Variants in C10orf67 observed in about 807,000 individuals in gnomAD.
C10orf67 encodes chromosome 10 open reading frame 67, also known as uncharacterized protein C10orf67, mitochondrial.
A neutral mutation model predicts 35.6 loss-of-function variants in C10orf67; 60 were observed. The ratio of observed to expected loss-of-function variants is 1.68; its 90% CI spans 1.37 to 2.09. C10orf67 has a LOEUF of 2.09. Among genes scored for constraint, C10orf67 ranks in the 30% most tolerant of loss-of-function variants. The pLI is 0.00. For synonymous variants in C10orf67, 167 were observed against 115.8 expected (o/e 1.44, Z -2.84); for missense variants, 474 against 330.2 (o/e 1.44, Z -3.38).
chr10:23,320,510 C>T (rs1844904027), intron 4 of C10orf67, among the ~76,000 whole-genome samples: 1 of 152,300 alleles, frequency 6.6e-6, no homozygotes, highest in Non-Finnish European at 1.5e-5. Flanking sequence ...TACTTTGGTA[C>T]ATGCCCAGGT....
At chr10:23,229,812 A>G (rs981782163) in intron 13 of C10orf67, among the ~76,000 whole-genome samples, 1 of 152,202 alleles carries the variant, frequency 6.6e-6, no homozygotes, top group Non-Finnish European at 1.5e-5. Flanking sequence ...CTATAGAGTT[A>G]TAAAACTCTA....
In C10orf67 at chr10:23,290,581, G is replaced by A. The variant is rs571650111; in HGVS notation, c.850+551C>T. Reference sequence around the variant, plus strand: ...CTTTTCCACATGTTCTAACAACTTCGGTGATTTAAACACAACTTTCACCAA... The same window carrying A: ...CTTTTCCACATGTTCTAACAACTTCAGTGATTTAAACACAACTTTCACCAA... On this transcript the variant is annotated intron_variant, in intron 6 of 15. Coordinates refer to ENST00000636213, the MANE Select transcript of C10orf67 (RefSeq NM_001371909.1). Among the ~76,000 whole-genome samples the A allele has an allele frequency of 3.9e-5, 6 of 152,106 alleles. No individual in the cohort carries two copies. In the South Asian group the frequency reaches 8.3e-4, roughly 21 times the overall value.
intron 4 of C10orf67, among the ~76,000 whole-genome samples, chr10:23,319,810 C>T (rs773383683): frequency 6.6e-6 from 1 of 152,174 alleles, no homozygotes; most frequent in Non-Finnish European, 1.5e-5. Flanking sequence ...TGGTTAGGGA[C>T]CTGACTTTGC....
chr10:23,329,217 T>C (rs1845331051), intron 2 of C10orf67, among the ~76,000 whole-genome samples: 1 of 151,636 alleles, frequency 6.6e-6, no homozygotes, highest in Non-Finnish European at 1.5e-5. Flanking sequence ...AGAGGAGATA[T>C]GCAGACAATA....
chr10:23,227,120 T>G (rs947910873), intron 13 of C10orf67, among the ~76,000 whole-genome samples: 1 of 152,140 alleles, frequency 6.6e-6, no homozygotes, highest in Non-Finnish European at 1.5e-5. Flanking sequence ...TACCAAAGCC[T>G]GGCAGACACA....
At chr10:23,306,206 A>G (rs1209184621) in intron 4 of C10orf67, among the ~76,000 whole-genome samples, 1 of 152,170 alleles carries the variant, frequency 6.6e-6, no homozygotes, top group Non-Finnish European at 1.5e-5. Flanking sequence ...AATCCAAAAA[A>G]GTTGAACTTG....
chr10:23,338,709 T>G (rs958057097), intron 1 of C10orf67, among the ~76,000 whole-genome samples: 3 of 152,094 alleles, frequency 2.0e-5, no homozygotes, highest in African/African-American at 7.2e-5. Flanking sequence ...TTAAATAGCT[T>G]ACTGAAGATT....
intron 15 of C10orf67, among the ~76,000 whole-genome samples, chr10:23,222,745 C>T (rs184337495): frequency 6.6e-6 from 1 of 152,246 alleles, no homozygotes; most frequent in African/African-American, 2.4e-5. Flanking sequence ...TAATTTCAGC[C>T]TGGGCAACAC....
intron 13 of C10orf67, among the ~76,000 whole-genome samples, chr10:23,236,232 G>A (rs948651845): frequency 7.9e-6 from 1 of 126,816 alleles, no homozygotes; most frequent in African/African-American, 3.1e-5. Context: ...CTGGGCGACA[G>A]AGCGAGACTC....
chr10:23,304,462 C>CA (rs1844200075), intron 4 of C10orf67, among the ~76,000 whole-genome samples: 1 of 152,186 alleles, frequency 6.6e-6, no homozygotes, highest in Non-Finnish European at 1.5e-5. Flanking sequence ...ACATGCCCAT[C>CA]AATGCCTCTG....
intron 2 of C10orf67, 108 bp downstream of exon 2, chr10:23,332,954 G>T: frequency 8.9e-7 from 1 of 1,117,436 alleles, no homozygotes; most frequent in Non-Finnish European, 1.3e-6. Flanking sequence ...TGTCAAAGAT[G>T]CTAACATTTT....
At chr10:23,274,184 C>G (rs1277453028) in intron 8 of C10orf67, among the ~76,000 whole-genome samples, 3 of 152,068 alleles carry the variant, frequency 2.0e-5, no homozygotes, top group Non-Finnish European at 2.9e-5. Context: ...AAGGGCAGAG[C>G]AAGATCACAA....
chr10:23,204,547 T>C lies in C10orf67; in HGVS notation c.1571-292A>G, dbSNP rs1389513962. On this transcript the variant is annotated intron_variant, in intron 15 of 15. Coordinates refer to ENST00000636213, the MANE Select transcript of C10orf67 (RefSeq NM_001371909.1). ...CTGCAGGAATGGTCTCAGGTGCCCC[T>C]GATAAAGGCCAGTACTCAACATTCT... Among the ~76,000 whole-genome samples the C allele has an allele frequency of 4.6e-5, 7 of 152,126 alleles. No individual in the cohort carries two copies. In the South Asian group the frequency reaches 1.5e-3, roughly 32 times the overall value.
intron 2 of C10orf67, among the ~76,000 whole-genome samples, chr10:23,331,219 A>ACCGGGACG (rs1564518948): frequency 1.9e-4 from 3 of 15,430 alleles, no homozygotes; most frequent in African/African-American, 1.7e-3. Context: ...AGGGAAGGGA[A>ACCGGGACG]GGGAAGGGAG....
chr10:23,273,478 A>G (rs533930378), intron 8 of C10orf67, among the ~76,000 whole-genome samples: 1 of 152,276 alleles, frequency 6.6e-6, no homozygotes, highest in South Asian at 2.1e-4. Context: ...AAATATATTT[A>G]TCTTCACTCA....
intron 13 of C10orf67, among the ~76,000 whole-genome samples, chr10:23,231,602 C>A (rs1386513050): frequency 6.6e-6 from 1 of 152,166 alleles, no homozygotes; most frequent in East Asian, 1.9e-4. Context: ...GCAGCTTACC[C>A]ATAGCAAGTG....
At chr10:23,288,888 T>C (rs1216190567) in intron 7 of C10orf67, among the ~76,000 whole-genome samples, 1 of 152,214 alleles carries the variant, frequency 6.6e-6, no homozygotes, top group East Asian at 1.9e-4. Context: ...TGCATTCCTA[T>C]TCTATTCATC....
chr10:23,267,060 A>G (rs1842900021), intron 9 of C10orf67, 135 bp downstream of exon 9: 1 of 591,076 alleles, frequency 1.7e-6, no homozygotes, highest in South Asian at 2.2e-5. Context: ...CTCACTTTCA[A>G]GAACTTTCTT....
At chr10:23,246,968 G>A (rs184324016) in intron 12 of C10orf67, among the ~76,000 whole-genome samples, 2 of 152,132 alleles carry the variant, frequency 1.3e-5, no homozygotes, top group Non-Finnish European at 2.9e-5. Flanking sequence ...TGGGACTACA[G>A]GTGTGCACCA....
Sources: gnomAD v4.1 joint callset for allele counts (sites outside exome capture counted in the v4.1 genomes callset) on GRCh38, gnomAD v4.1.1 for gene constraint, MANE v1.5 for transcripts, NCBI Gene and HGNC (gene_info 2026-07-23, HGNC 2026-07-21) for gene names.